PHTF2: variants seen among roughly 807,000 people sequenced by gnomAD.
PHTF2 encodes the protein protein PHTF2.
A neutral mutation model predicts 101.2 loss-of-function variants in PHTF2; 60 were observed. The ratio of observed to expected loss-of-function variants is 0.59; its 90% CI spans 0.48 to 0.73. PHTF2 has a LOEUF of 0.73. Ranked by LOEUF, PHTF2 falls within the 30% of genes least tolerant of loss-of-function variation. The pLI is 0.00. For synonymous variants in PHTF2, 311 were observed against 307.3 expected (o/e 1.01, Z -0.13); for missense variants, 747 against 908.7 (o/e 0.82, Z 2.29).
chr7:77,853,767 A>C (rs1216844459), intron 2 of PHTF2, among the ~76,000 whole-genome samples: 4 of 152,004 alleles, frequency 2.6e-5, no homozygotes, highest in Non-Finnish European at 4.4e-5. Flanking sequence ...TTGAAGCCCC[A>C]GAATTTGATT....
At chr7:77,914,777 C>G (rs1006187048) in intron 9 of PHTF2, among the ~76,000 whole-genome samples, 2 of 152,114 alleles carry the variant, frequency 1.3e-5, no homozygotes, top group African/African-American at 4.8e-5. Flanking sequence ...AGAAATTTGA[C>G]ATTTTCTGGT....
chr7:77,828,575 CT>C (rs1389846460), intron 1 of PHTF2, among the ~76,000 whole-genome samples: 1 of 152,118 alleles, frequency 6.6e-6, no homozygotes, highest in East Asian at 1.9e-4. Flanking sequence ...CTTTGGGAGG[CT>C]GAGGCAGGCA....
At chr7:77,854,046 T>G (rs1257478557) in intron 2 of PHTF2, among the ~76,000 whole-genome samples, 1 of 152,172 alleles carries the variant, frequency 6.6e-6, no homozygotes, top group Non-Finnish European at 1.5e-5. Flanking sequence ...TTTATTGTAT[T>G]CTTTGTATCC....
rs577511902 is a variant in PHTF2 at position 77,803,134 on chromosome 7, A to G, written c.-36+4163A>G. On this transcript the variant is annotated intron_variant, in intron 1 of 19. Coordinates refer to ENST00000416283, the Ensembl canonical transcript of PHTF2. The stretch of plus-strand genomic sequence containing the variant: ...GTTTTAGAGCACTAGGAATGAAAAT[A>G]TGCTGGATTTTATTCTGGGTACTGA... 2.6e-5 allele frequency among the ~76,000 whole-genome samples: 4 copies of G among 152,298 alleles called. No homozygotes were observed. The South Asian group carries it at 8.3e-4, about 32-fold the overall frequency.
At chr7:77,941,574 C>G (rs1805642506) in intron 15 of PHTF2, among the ~76,000 whole-genome samples, 1 of 152,182 alleles carries the variant, frequency 6.6e-6, no homozygotes, top group Non-Finnish European at 1.5e-5. Flanking sequence ...TAAGCTTATA[C>G]TTCAGTGAGG....
intron 11 of PHTF2, chr7:77,923,002 T>C: frequency 8.1e-7 from 1 of 1,231,572 alleles, no homozygotes; most frequent in African/African-American, 1.5e-5. Flanking sequence ...TGCATTATCT[T>C]TGAAGACTCA....
chr7:77,820,089 A>G (rs944769146), intron 1 of PHTF2, among the ~76,000 whole-genome samples: 3 of 152,090 alleles, frequency 2.0e-5, no homozygotes, highest in Non-Finnish European at 2.9e-5. Flanking sequence ...GGGTTTCGCC[A>G]TGTTGGTCAG....
chr7:77,908,915 A>G lies in PHTF2; in HGVS notation c.568A>G (p.Arg190Gly), dbSNP rs774635847. 1.4e-5 allele frequency: 22 copies of G among 1,613,418 alleles called. No individual in the cohort carries two copies. In the Admixed American group the frequency reaches 3.7e-4, roughly 27 times the overall value. Residue 190 changes from arginine to glycine, a missense_variant, in exon 8 of 20, where the codon AGA becomes GGA. Around this residue, in one of 6 missense-constraint regions of PHTF2, gnomAD observed 92 missense variants for 98.9 expected, o/e 0.93. Transcript: ENST00000416283. Reference sequence around the variant, plus strand: ...TGTGCATTGCCAGATTGTTTCCACAAGAACACCCAAACCTCCTCTAAGTAC... The same window carrying G: ...TGTGCATTGCCAGATTGTTTCCACAGGAACACCCAAACCTCCTCTAAGTAC...
intron 9 of PHTF2, 35 bp from the exon 9 acceptor site, chr7:77,920,244 A>C (rs1390828451): frequency 1.7e-6 from 2 of 1,177,572 alleles, no homozygotes; most frequent in South Asian, 2.8e-5. Flanking sequence ...AAATAAGCTA[A>C]GTCCAAACAT....
intron 3 of PHTF2, among the ~76,000 whole-genome samples, chr7:77,864,915 CAT>C (rs1029126097): frequency 2.0e-4 from 31 of 152,062 alleles, no homozygotes; most frequent in African/African-American, 6.3e-4. Flanking sequence ...AAAGATATTT[CAT>C]ATGTTTCCAC....
chr7:77,838,009 A>G (rs1795600337), intron 1 of PHTF2, among the ~76,000 whole-genome samples: 1 of 152,170 alleles, frequency 6.6e-6, no homozygotes, highest in African/African-American at 2.4e-5. Flanking sequence ...AAAGAGGGTA[A>G]AGTGAAAAGT....
chr7:77,823,718 G>A (rs1008800731), intron 1 of PHTF2, among the ~76,000 whole-genome samples: 5 of 151,906 alleles, frequency 3.3e-5, no homozygotes, highest in African/African-American at 1.2e-4. Flanking sequence ...AACCTGTGTA[G>A]CTAGAATGTA....
chr7:77,857,417 A>G (rs1435792004), intron 3 of PHTF2, among the ~76,000 whole-genome samples: 5 of 152,216 alleles, frequency 3.3e-5, no homozygotes, highest in Non-Finnish European at 7.3e-5. Flanking sequence ...TTCAGCCATT[A>G]TCCGCTAAGG....
chr7:77,953,741 G>A (rs1806746350), intron 18 of PHTF2, 28 bp from the exon 18 acceptor site: 2 of 1,595,730 alleles, frequency 1.3e-6, no homozygotes, highest in Non-Finnish European at 1.7e-6. Context: ...TTTGAATCTG[G>A]GACTGACTTT....
At chr7:77,942,079 G>A (rs1473949100) in intron 15 of PHTF2, among the ~76,000 whole-genome samples, 1 of 152,024 alleles carries the variant, frequency 6.6e-6, no homozygotes, top group Non-Finnish European at 1.5e-5. Flanking sequence ...TCTTGCACAT[G>A]CCCTTCCTTC....
chr7:77,918,817 A>G (rs1199823567), intron 9 of PHTF2, among the ~76,000 whole-genome samples: 1 of 152,178 alleles, frequency 6.6e-6, no homozygotes, highest in Non-Finnish European at 1.5e-5. Context: ...TCATACAGAA[A>G]GTAAAGGATC....
At chr7:77,905,387 A>T (rs114488105) in intron 7 of PHTF2, among the ~76,000 whole-genome samples, 2,044 of 151,982 alleles carry the variant, frequency 0.013, 51 homozygotes, top group African/African-American at 0.046. Flanking sequence ...CACCATGCCC[A>T]GCTAATTATT....
exon 3 of PHTF2, chr7:77,854,816 G>T (rs1797046954): frequency 1.3e-6 from 1 of 758,810 alleles, no homozygotes; most frequent in Non-Finnish European, 2.4e-6. Context: ...AGGACCAAGG[G>T]CTCTTCATTC....
chr7:77,916,772 G>T (rs1158738561), intron 9 of PHTF2, among the ~76,000 whole-genome samples: 1 of 151,724 alleles, frequency 6.6e-6, no homozygotes, highest in Non-Finnish European at 1.5e-5. Flanking sequence ...ACCTAATAAT[G>T]GTATAAATGT....
Sources: allele counts gnomAD v4.1 joint callset (sites outside exome capture counted in the v4.1 genomes callset), GRCh38; gene constraint gnomAD v4.1.1; regional missense constraint gnomAD v4.1.1; transcripts MANE v1.5; gene names NCBI Gene and HGNC (gene_info 2026-07-23, HGNC 2026-07-21).